The following MYO18B variants were observed in gnomAD, a reference collection of about 807,000 sequenced individuals.
MYO18B encodes the protein unconventional myosin-XVIIIb.
Under a neutral mutation model 273.0 loss-of-function variants are expected in MYO18B, and 204 were observed. The observed-to-expected ratio is 0.75, with a 90% CI of 0.67 to 0.84. The LOEUF is 0.84. MYO18B is among the 40% of genes least tolerant of loss of function. MYO18B has a pLI of 0.00. For synonymous variants in MYO18B, 1,330 were observed against 1,305.7 expected (o/e 1.02, Z -0.40); for missense variants, 3,212 against 3,287.6 (o/e 0.98, Z 0.56).
At chr22:25,790,967 C>G (rs2087634520) in intron 11 of MYO18B, among the ~76,000 whole-genome samples, 1 of 152,190 alleles carries the variant, frequency 6.6e-6, no homozygotes, top group African/African-American at 2.4e-5. Context: ...TGAACTCACT[C>G]AACCCCACCA....
chr22:26,041,534 A>AAAT, the MYO18B span, among the ~76,000 whole-genome samples: 53 of 152,148 alleles, frequency 3.5e-4, no homozygotes, highest in African/African-American at 1.1e-3. Flanking sequence ...TCTATCTCAA[A>AAAT]AATAATAATA....
At chr22:25,898,495 C>A (rs1270363225) in intron 29 of MYO18B, 34 bp downstream of exon 29, 1 of 1,606,754 alleles carries the variant, frequency 6.2e-7, no homozygotes, top group East Asian at 2.2e-5. Flanking sequence ...CCTGGGCTGC[C>A]AGGGTGGGCT....
At chr22:25,956,744 C>T (rs1157654729) in intron 39 of MYO18B, among the ~76,000 whole-genome samples, 1 of 152,142 alleles carries the variant, frequency 6.6e-6, no homozygotes, top group South Asian at 2.1e-4. Flanking sequence ...TAGAGACAGC[C>T]CACAATATGC....
At chr22:25,976,854 G>T (rs2093095406) in intron 39 of MYO18B, among the ~76,000 whole-genome samples, 1 of 152,148 alleles carries the variant, frequency 6.6e-6, no homozygotes, top group Non-Finnish European at 1.5e-5. Context: ...TGTTTCTTTG[G>T]CTTGTGGAAA....
intron 42 of MYO18B, among the ~76,000 whole-genome samples, chr22:26,023,123 TCAC>T (rs1446535780): frequency 1.3e-5 from 2 of 152,196 alleles, no homozygotes; most frequent in Non-Finnish European, 2.9e-5. Flanking sequence ...TTCTTCTCCA[TCAC>T]CACCGCCCTT....
At chr22:25,944,406 G>A (rs12169541) in intron 34 of MYO18B, among the ~76,000 whole-genome samples, 1,925 of 152,182 alleles carry the variant, frequency 0.013, 38 homozygotes, top group African/African-American at 0.042. Flanking sequence ...TCTGAGCCCC[G>A]AATGTTTACC....
intron 28 of MYO18B, chr22:25,896,218 T>G (rs1304220227): frequency 6.6e-6 from 1 of 152,206 alleles, no homozygotes; most frequent in African/African-American, 2.4e-5. Context: ...TTTAAAATTC[T>G]TACGAGAGTA....
chr22:26,042,033 GC>G, the MYO18B span, among the ~76,000 whole-genome samples: 1 of 152,218 alleles, frequency 6.6e-6, no homozygotes, highest in East Asian at 1.9e-4. Flanking sequence ...ACCCTAAGGA[GC>G]CAGAGAAGGC....
intron 11 of MYO18B, among the ~76,000 whole-genome samples, chr22:25,786,967 A>G (rs375601883): frequency 1.1e-3 from 168 of 152,318 alleles, no homozygotes; most frequent in African/African-American, 3.8e-3. Flanking sequence ...TAATCCCAGC[A>G]CTTTGGGAGG....
chr22:26,017,768 C>A (rs1269135341), intron 42 of MYO18B, among the ~76,000 whole-genome samples: 1 of 152,056 alleles, frequency 6.6e-6, no homozygotes, highest in Non-Finnish European at 1.5e-5. Context: ...CTTCTTTAGT[C>A]TCTTTTAAGA....
At chr22:25,750,920 C>T (rs531251312) in intron 1 of MYO18B, among the ~76,000 whole-genome samples, 3 of 152,326 alleles carry the variant, frequency 2.0e-5, no homozygotes, top group Admixed American at 2.0e-4. Context: ...GTGCCAGGCA[C>T]ACGTGGCAGT....
At chr22:25,897,963 C>T (rs998433741) in intron 28 of MYO18B, 15 of 209,368 alleles carry the variant, frequency 7.2e-5, no homozygotes, top group African/African-American at 3.5e-4. Flanking sequence ...CTGATCATGT[C>T]GGCTGGTGGG....
At chr22:25,845,515 CA>C (rs1477427172) in intron 18 of MYO18B, among the ~76,000 whole-genome samples, 1 of 151,904 alleles carries the variant, frequency 6.6e-6, no homozygotes, top group African/African-American at 2.4e-5. Flanking sequence ...GACTCCATCT[CA>C]AAAAAACCAA....
At chr22:26,022,774 T>C (rs1935923899) in intron 42 of MYO18B, among the ~76,000 whole-genome samples, 1 of 152,254 alleles carries the variant, frequency 6.6e-6, no homozygotes, top group South Asian at 2.1e-4. Flanking sequence ...ACAGCCAGGC[T>C]AGGCCTGAGT....
intron 12 of MYO18B, among the ~76,000 whole-genome samples, chr22:25,799,420 G>A (rs2088086677): frequency 6.6e-6 from 1 of 152,150 alleles, no homozygotes; most frequent in Admixed American, 6.5e-5. Context: ...GGGATGAAGA[G>A]CAAGGGTTTC....
intron 21 of MYO18B, among the ~76,000 whole-genome samples, chr22:25,853,257 C>A (rs895087347): frequency 5.7e-5 from 8 of 140,956 alleles, no homozygotes; most frequent in Non-Finnish European, 9.6e-5. Flanking sequence ...TGCCTGAGAT[C>A]ATCAGCACTG....
At chr22:25,755,121 G>T (rs2086070485) in intron 1 of MYO18B, among the ~76,000 whole-genome samples, 1 of 152,152 alleles carries the variant, frequency 6.6e-6, no homozygotes, top group African/African-American at 2.4e-5. Context: ...CGGGAGGGGA[G>T]GGTGTCTTTC....
intron 10 of MYO18B, among the ~76,000 whole-genome samples, chr22:25,782,531 G>A (rs1325463024): frequency 6.6e-6 from 1 of 152,216 alleles, no homozygotes; most frequent in African/African-American, 2.4e-5. Context: ...GCATCCTTAG[G>A]CATGTGGCTC....
chr22:25,897,388 T>TCCC (rs2091831797), intron 28 of MYO18B: 1 of 152,160 alleles, frequency 6.6e-6, no homozygotes, highest in Non-Finnish European at 1.5e-5. Context: ...ATGGTGATGA[T>TCCC]TTTAGTGGTC....
Sources: gnomAD v4.1 joint callset for allele counts (sites outside exome capture counted in the v4.1 genomes callset) on GRCh38, gnomAD v4.1.1 for gene constraint, MANE v1.5 for transcripts, NCBI Gene and HGNC (gene_info 2026-07-23, HGNC 2026-07-21) for gene names.